Variants in ZMAT5 observed in about 807,000 individuals in gnomAD.
ZMAT5 encodes the protein zinc finger matrin-type 5.
ZMAT5 carries 23 observed loss-of-function variants against 28.0 expected under a neutral mutation model. The observed-to-expected ratio is 0.82, with a 90% CI of 0.59 to 1.16. The LOEUF is 1.16. ZMAT5 is among the 50% of genes most tolerant of loss of function. The pLI, the probability that ZMAT5 is intolerant of heterozygous loss-of-function variation, is 0.00. For missense variants in ZMAT5, 173 were observed against 212.7 expected (o/e 0.81, Z 1.16); for synonymous variants, 76 against 84.1 (o/e 0.90, Z 0.52).
At chr22:29,750,091 G>T (rs117168185) in intron 1 of ZMAT5, among the ~76,000 whole-genome samples, 5 of 152,272 alleles carry the variant, frequency 3.3e-5, no homozygotes, top group Non-Finnish European at 5.9e-5. Flanking sequence ...CATGAGGGCA[G>T]GTTTGTGTTT....
At chr22:29,763,207 C>A (rs565182423) in intron 1 of ZMAT5, among the ~76,000 whole-genome samples, 7 of 151,652 alleles carry the variant, frequency 4.6e-5, no homozygotes, top group African/African-American at 1.2e-4. Context: ...AGAACAGAAT[C>A]ACTTGAACCC....
At position 29,748,389 on chromosome 22, in the gene ZMAT5, G is replaced by T. The variant is rs938600109; in HGVS notation, c.127+29C>A. On this transcript the variant is annotated intron_variant, in intron 2 of 5. Transcript: ENST00000344318. ...GAAAGATCAGAGAGCAGGGCTCCAGGAGCCTGGCCCCCAGCCAGCGGCACC... is the reference window on the plus strand; with the variant it reads ...GAAAGATCAGAGAGCAGGGCTCCAGTAGCCTGGCCCCCAGCCAGCGGCACC... 1.9e-6 allele frequency: 3 copies of T among 1,614,042 alleles called. No homozygotes were observed. In the African/African-American group the frequency reaches 4.0e-5, roughly 22 times the overall value.
intron 4 of ZMAT5, among the ~76,000 whole-genome samples, chr22:29,739,024 AG>A (rs2067936053): frequency 1.5e-5 from 2 of 131,460 alleles, no homozygotes; most frequent in African/African-American, 5.9e-5. Flanking sequence ...AAAAAAAAAA[AG>A]AGAGAGAGAG....
chr22:29,762,407 G>C (rs950878986), intron 1 of ZMAT5, among the ~76,000 whole-genome samples: 1 of 152,382 alleles, frequency 6.6e-6, no homozygotes, highest in African/African-American at 2.4e-5. Context: ...CACAGCAGGA[G>C]GTGAGTGGCA....
intron 5 of ZMAT5, among the ~76,000 whole-genome samples, chr22:29,735,581 A>G (rs140111): frequency 0.46 from 70,565 of 152,174 alleles, 16,701 homozygotes; most frequent in East Asian, 0.6. Context: ...CCTGGGGTCT[A>G]GACACAGAGC....
intron 2 of ZMAT5, among the ~76,000 whole-genome samples, chr22:29,745,698 G>A (rs949080607): frequency 3.3e-5 from 5 of 152,256 alleles, no homozygotes; most frequent in Middle Eastern, 3.2e-3. Context: ...GTGTTAGTGA[G>A]TGACACCTGG....
chr22:29,749,154 T>C (rs2068035717), intron 1 of ZMAT5, among the ~76,000 whole-genome samples: 1 of 152,154 alleles, frequency 6.6e-6, no homozygotes. Flanking sequence ...CACGGCTTAC[T>C]GTAGCTTTAA....
intron 1 of ZMAT5, among the ~76,000 whole-genome samples, chr22:29,762,494 TCAGATCATCGG>T (rs1203886924): frequency 9.9e-5 from 15 of 152,200 alleles, no homozygotes; most frequent in Admixed American, 2.0e-4. Flanking sequence ...TCGTCTCCTG[TCAGATCATCGG>T]CAGCATTAGA....
At chr22:29,738,468 G>GT in intron 4 of ZMAT5, 27 bp from the exon 5 acceptor site, 1 of 1,595,290 alleles carries the variant, frequency 6.3e-7, no homozygotes, top group African/African-American at 1.3e-5. Flanking sequence ...ACAAAGGCAA[G>GT]TGAGGGGTAC....
intron 5 of ZMAT5, among the ~76,000 whole-genome samples, chr22:29,734,242 G>A (rs554771357): frequency 2.0e-5 from 3 of 152,242 alleles, no homozygotes; most frequent in African/African-American, 4.8e-5. Context: ...TGCGGAGGGG[G>A]ATAAGAGCTA....
At chr22:29,742,037 T>C (rs1348316520) in intron 3 of ZMAT5, among the ~76,000 whole-genome samples, 1 of 152,156 alleles carries the variant, frequency 6.6e-6, no homozygotes, top group African/African-American at 2.4e-5. Flanking sequence ...GTTCTGATCC[T>C]GAACTTCCTC....
intron 1 of ZMAT5, among the ~76,000 whole-genome samples, chr22:29,756,185 C>T (rs949845233): frequency 6.6e-6 from 1 of 152,220 alleles, no homozygotes; most frequent in Non-Finnish European, 1.5e-5. Flanking sequence ...CACCTCCAGA[C>T]CCCAGGTAAA....
At chr22:29,732,153 C>T (rs1463949382) in intron 5 of ZMAT5, among the ~76,000 whole-genome samples, 3 of 152,278 alleles carry the variant, frequency 2.0e-5, no homozygotes, top group South Asian at 2.1e-4. Context: ...TCAGATCCTT[C>T]TGGCCTTGGG....
chr22:29,738,533 C>T, intron 4 of ZMAT5, 92 bp from the exon 5 acceptor site: 1 of 1,130,512 alleles, frequency 8.8e-7, no homozygotes, highest in South Asian at 1.4e-5. Context: ...CTGGTAGGCC[C>T]TGAGCAAGCC....
chr22:29,742,575 C>T (rs1316663838), intron 2 of ZMAT5, 95 bp from the exon 3 acceptor site: 9 of 1,137,714 alleles, frequency 7.9e-6, no homozygotes, highest in Admixed American at 3.5e-5. Flanking sequence ...CCCTTTATCT[C>T]GACACAGCTG....
At chr22:29,764,744 C>T (rs574054833) in intron 1 of ZMAT5, among the ~76,000 whole-genome samples, 17 of 152,268 alleles carry the variant, frequency 1.1e-4, no homozygotes, top group Admixed American at 6.5e-4. Flanking sequence ...CTCAAGTGAT[C>T]CACCCACCTT....
intron 1 of ZMAT5, among the ~76,000 whole-genome samples, chr22:29,761,499 G>C (rs2068157567): frequency 6.6e-6 from 1 of 151,578 alleles, no homozygotes; most frequent in Non-Finnish European, 1.5e-5. Flanking sequence ...GGTTGAGGTA[G>C]GAGGATCGCT....
intron 1 of ZMAT5, among the ~76,000 whole-genome samples, chr22:29,761,879 G>A (rs932047682): frequency 3.3e-5 from 5 of 152,190 alleles, no homozygotes; most frequent in African/African-American, 1.2e-4. Context: ...CTGGGGTGCT[G>A]TAAAGGTTAC....
chr22:29,754,299 G>A (rs1443097799), intron 1 of ZMAT5, among the ~76,000 whole-genome samples: 1 of 152,232 alleles, frequency 6.6e-6, no homozygotes, highest in East Asian at 1.9e-4. Context: ...CACAGGTGGT[G>A]CCATCCACCC....
Sources: gnomAD v4.1 joint callset for allele counts (sites outside exome capture counted in the v4.1 genomes callset) on GRCh38, gnomAD v4.1.1 for gene constraint, MANE v1.5 for transcripts, NCBI Gene and HGNC (gene_info 2026-07-23, HGNC 2026-07-21) for gene names.